The following SERTM1 variants were observed in gnomAD, a reference collection of about 807,000 sequenced individuals.
SERTM1 encodes the protein serine rich and transmembrane domain containing 1, also known as serine-rich and transmembrane domain-containing protein 1.
In SERTM1, 1 loss-of-function variant was observed where a neutral mutation model predicts 5.5. The observed-to-expected ratio is 0.18, with a 90% CI of 0.06 to 0.86. The LOEUF (loss-of-function observed/expected upper bound fraction) is 0.86, where lower values mean the gene tolerates loss of function less well. Ranked by LOEUF, SERTM1 falls within the 40% of genes least tolerant of loss-of-function variation. The pLI is 0.69. For missense variants in SERTM1, 91 were observed against 122.4 expected (o/e 0.74, Z 1.21); for synonymous variants, 52 against 55.1 (o/e 0.94, Z 0.25).
chr13:36,693,377 C>T (rs538979736), intron 1 of SERTM1, among the ~76,000 whole-genome samples: 7 of 150,868 alleles, frequency 4.6e-5, no homozygotes, highest in East Asian at 2.0e-4. Context: ...AGTCCCACTG[C>T]GATTCTTCTT....
At chr13:36,693,394 CTTT>C in intron 1 of SERTM1, among the ~76,000 whole-genome samples, 1 of 144,890 alleles carries the variant, frequency 6.9e-6, no homozygotes, top group African/African-American at 2.5e-5. Context: ...TCTTCTTCTT[CTTT>C]TTTTTTTTTT....
rs1262303379 is a variant in SERTM1 at position 36,697,227 on chromosome 13, A to G, written c.*1825A>G. On this transcript the variant is annotated 3_prime_UTR_variant, in exon 2 of 2. Transcript: ENST00000315190. ...TTATGTAGTATAAAAACTGGACTAG[A>G]TAAACTGCTATTTTAGAGCATTATT... 1.8e-5 allele frequency: 3 copies of G among 166,372 alleles called. No individual in the cohort carries two copies. The highest frequency in any genetic ancestry group is 2.9e-5 in the Non-Finnish European group (2 of 68,004). 10.3% of individuals were successfully genotyped at this position (166,372 alleles called of 1,614,324 possible).
rs2056821443 is a variant in SERTM1, at chr13:36,697,297, ACAC to A, written c.*1896_*1898del. The A allele has an allele frequency of 6.5e-6, 1 of 153,240 alleles. No individual in the cohort carries two copies. The highest frequency in any genetic ancestry group is 2.1e-4 in the East Asian group (1 of 4,852). 9.5% of individuals were successfully genotyped at this position (153,240 alleles called of 1,614,324 possible). On this transcript the variant is annotated 3_prime_UTR_variant, in exon 2 of 2. Coordinates refer to ENST00000315190, the MANE Select transcript of SERTM1 (RefSeq NM_203451.3). ...TATATATACATATATATACGCACAC[ACAC>A]ACACACACATAAATATATATATATA...
rs147310964 is a variant in SERTM1, at chr13:36,695,483, A to G, written c.*81A>G. On this transcript the variant is annotated 3_prime_UTR_variant, in exon 2 of 2. Coordinates refer to ENST00000315190, the MANE Select transcript of SERTM1 (RefSeq NM_203451.3). ...TGTCCCGTGAGGCATTGCCTCATGAAAGAAATGATCCTTTTGGTGTAGACC... is the reference window on the plus strand; with the variant it reads ...TGTCCCGTGAGGCATTGCCTCATGAGAGAAATGATCCTTTTGGTGTAGACC... 17 of 989,628 alleles carry G rather than the reference A, an allele frequency of 1.7e-5. No homozygotes were observed. The African/African-American group carries it at 2.6e-4, about 15-fold the overall frequency. The allele number at this position is 989,628 out of a possible 1,614,324, so 61.3% of individuals were successfully genotyped here.
At chr13:36,681,779 G>A (rs536010092) in intron 1 of SERTM1, among the ~76,000 whole-genome samples, 1 of 152,304 alleles carries the variant, frequency 6.6e-6, no homozygotes, top group African/African-American at 2.4e-5. Flanking sequence ...TCTCACTATG[G>A]TAAACTCTCT....
chr13:36,685,179 A>C (rs1052321884), intron 1 of SERTM1, among the ~76,000 whole-genome samples: 1 of 152,166 alleles, frequency 6.6e-6, no homozygotes, highest in Admixed American at 6.5e-5. Context: ...ACATGTAGAC[A>C]TTTTCTTTAT....
intron 1 of SERTM1, among the ~76,000 whole-genome samples, chr13:36,684,558 A>G (rs1312967690): frequency 6.6e-6 from 1 of 151,944 alleles, no homozygotes. Flanking sequence ...TCTGCCAATC[A>G]TGCTCTGAAG....
intron 1 of SERTM1, among the ~76,000 whole-genome samples, chr13:36,684,290 C>T (rs1188447649): frequency 1.3e-5 from 2 of 148,794 alleles, no homozygotes; most frequent in African/African-American, 5.1e-5. Flanking sequence ...GAGCGAGACT[C>T]TGTCAAAAAA....
At chr13:36,681,708 T>A (rs1251945841) in intron 1 of SERTM1, among the ~76,000 whole-genome samples, 1 of 152,234 alleles carries the variant, frequency 6.6e-6, no homozygotes, top group African/African-American at 2.4e-5. Flanking sequence ...GGAATTATCA[T>A]GGAGTTTAAG....
rs1461260926 is a variant in SERTM1, at chr13:36,683,747, GT to G, written c.-174+9564del. Among the ~76,000 whole-genome samples, 3 of 152,202 alleles carry G rather than the reference GT, an allele frequency of 2.0e-5. No homozygotes were observed. The East Asian group carries it at 5.8e-4, about 29-fold the overall frequency. On this transcript the variant is annotated intron_variant, in intron 1 of 1. Transcript: ENST00000315190. Reference sequence around the variant, plus strand: ...ATGTCACCTTTCATACATTTCATTGGTCAAAATAAGTCATACAGTCACCCTA... The same window carrying G: ...ATGTCACCTTTCATACATTTCATTGGCAAAATAAGTCATACAGTCACCCTA...
chr13:36,693,379 ATTC>A (rs906477631), intron 1 of SERTM1, among the ~76,000 whole-genome samples: 12 of 150,048 alleles, frequency 8.0e-5, no homozygotes, highest in South Asian at 6.3e-4. Context: ...TCCCACTGCG[ATTC>A]TTCTTCTTCT....
chr13:36,686,541 T>C (rs1421290212), intron 1 of SERTM1, among the ~76,000 whole-genome samples: 1 of 152,236 alleles, frequency 6.6e-6, no homozygotes, highest in Non-Finnish European at 1.5e-5. Context: ...TTGTTTTATG[T>C]ATGTATGCAT....
rs878974875 is a variant in SERTM1, at chr13:36,691,866, AAC to A, written c.-173-3036_-173-3035del. ...TGTTTCCACACTGTCACAATGCCTA[AAC>A]ACATACAGGCTGGGTCACCCTGAGC... On this transcript the variant is annotated intron_variant, in intron 1 of 1. Coordinates refer to ENST00000315190, the MANE Select transcript of SERTM1 (RefSeq NM_203451.3). 1.1e-4 allele frequency among the ~76,000 whole-genome samples: 17 copies of A among 152,288 alleles called. No individual in the cohort carries two copies. The South Asian group carries it at 3.5e-3, about 32-fold the overall frequency.
chr13:36,692,655 C>G (rs2056786624), intron 1 of SERTM1, among the ~76,000 whole-genome samples: 1 of 152,164 alleles, frequency 6.6e-6, no homozygotes, highest in Non-Finnish European at 1.5e-5. Context: ...CATCTTAACT[C>G]AAGACCTTCT....
chr13:36,682,607 T>C (rs990174413), intron 1 of SERTM1, among the ~76,000 whole-genome samples: 4 of 152,156 alleles, frequency 2.6e-5, no homozygotes, highest in Non-Finnish European at 5.9e-5. Context: ...AACATAAGTA[T>C]TTTTTTAACT....
chr13:36,680,678 T>C (rs549756013), intron 1 of SERTM1, among the ~76,000 whole-genome samples: 1 of 152,340 alleles, frequency 6.6e-6, no homozygotes, highest in East Asian at 1.9e-4. Flanking sequence ...AAAATTTTTT[T>C]CTTTTGTTGT....
intron 1 of SERTM1, among the ~76,000 whole-genome samples, chr13:36,684,344 G>T (rs917240283): frequency 6.6e-6 from 1 of 152,134 alleles, no homozygotes; most frequent in African/African-American, 2.4e-5. Context: ...TAAAAAAGAT[G>T]ATGGGAGATA....
intron 1 of SERTM1, among the ~76,000 whole-genome samples, chr13:36,686,158 C>A (rs1277104929): frequency 6.6e-6 from 1 of 152,198 alleles, no homozygotes; most frequent in Non-Finnish European, 1.5e-5. Flanking sequence ...GGTCTTCAGG[C>A]AGCCTCTCCC....
intron 1 of SERTM1, among the ~76,000 whole-genome samples, chr13:36,677,419 T>G (rs2056677249): frequency 6.6e-6 from 1 of 152,164 alleles, no homozygotes; most frequent in African/African-American, 2.4e-5. Context: ...TTAAGCTATA[T>G]TAAGACAGGA....
Sources: gnomAD v4.1 joint callset for allele counts (sites outside exome capture counted in the v4.1 genomes callset) on GRCh38, gnomAD v4.1.1 for gene constraint, MANE v1.5 for transcripts, NCBI Gene and HGNC (gene_info 2026-07-23, HGNC 2026-07-21) for gene names.